Variants in TET1 observed in about 807,000 individuals in gnomAD.
The protein encoded by TET1 is tet methylcytosine dioxygenase 1.
TET1 carries 13 observed loss-of-function variants against 148.7 expected under a neutral mutation model. That is an observed-to-expected ratio of 0.09 (90% CI 0.06 to 0.14). The LOEUF is 0.14. Ranked by LOEUF, TET1 falls within the 10% of genes least tolerant of loss-of-function variation. The pLI, the probability that TET1 is intolerant of heterozygous loss-of-function variation, is 1.00. For synonymous variants in TET1, 907 were observed against 937.2 expected, an observed-to-expected ratio of 0.97 and a Z score of 0.59; for missense variants, 2,182 against 2,553.8, an observed-to-expected ratio of 0.85 and a Z score of 3.14.
intron 3 of TET1, among the ~76,000 whole-genome samples, chr10:68,631,878 A>C (rs1462668554): frequency 6.6e-6 from 1 of 151,974 alleles, no homozygotes; most frequent in Non-Finnish European, 1.5e-5. Flanking sequence ...AAGAACTAAA[A>C]GCCTAAACGT....
intron 3 of TET1, among the ~76,000 whole-genome samples, chr10:68,641,422 A>T (rs1272166767): frequency 6.6e-6 from 1 of 151,984 alleles, no homozygotes; most frequent in African/African-American, 2.4e-5. Context: ...GCCAGTTCAC[A>T]TCTCCTTAGG....
At chr10:68,658,278 C>G (rs2055055255) in intron 6 of TET1, among the ~76,000 whole-genome samples, 1 of 151,942 alleles carries the variant, frequency 6.6e-6, no homozygotes, top group Non-Finnish European at 1.5e-5. Flanking sequence ...GTGGCACAAT[C>G]TCGGCTCACT....
intron 2 of TET1, among the ~76,000 whole-genome samples, chr10:68,596,631 C>T (rs2053992396): frequency 6.6e-6 from 1 of 152,100 alleles, no homozygotes; most frequent in Non-Finnish European, 1.5e-5. Context: ...CAAAACTCGC[C>T]CAGAGCTCAG....
rs1487048373 is a variant in TET1 at position 68,686,512 on chromosome 10, C to G, written c.5209C>G (p.Leu1737Val). The G allele has an allele frequency of 1.2e-6, 2 of 1,614,172 alleles. No homozygotes were observed. The highest frequency in any genetic ancestry group is 2.2e-5 in the East Asian group (1 of 44,880). Residue 1737 changes from leucine to valine, a missense_variant, in exon 11 of 12, where the codon CTG (leucine) becomes GTG (valine). By Grantham distance (32) the Leu-to-Val change is conservative (BLOSUM62 1). Around this residue, in one of 11 missense-constraint regions of TET1, gnomAD observed 380 missense variants for 387.9 expected, o/e 0.98. Coordinates refer to ENST00000373644, the MANE Select transcript of TET1 (RefSeq NM_030625.3). Reference sequence around the variant, plus strand: ...GATCAAATCTGGGGCCATCGAGGTCCTGGCACCCCGCCGCAAAAAAAGAAC... The same window carrying G: ...GATCAAATCTGGGGCCATCGAGGTCGTGGCACCCCGCCGCAAAAAAAGAAC... ...AKIKSGAIEV[L>V]APRRKKRTCF...
At chr10:68,622,741 G>T (rs1019404849) in intron 3 of TET1, among the ~76,000 whole-genome samples, 1 of 150,474 alleles carries the variant, frequency 6.6e-6, no homozygotes, top group African/African-American at 2.5e-5. Context: ...CCCTGAAATT[G>T]GTTTTTAAGA....
At chr10:68,615,972 T>C (rs1355778347) in intron 3 of TET1, among the ~76,000 whole-genome samples, 1 of 152,210 alleles carries the variant, frequency 6.6e-6, no homozygotes, top group Non-Finnish European at 1.5e-5. Context: ...TTAAACTCCT[T>C]ACTAGAGTAT....
intron 1 of TET1, among the ~76,000 whole-genome samples, chr10:68,561,567 G>T (rs2053553493): frequency 6.6e-6 from 1 of 152,124 alleles, no homozygotes; most frequent in Non-Finnish European, 1.5e-5. Flanking sequence ...GGAGGTGCGC[G>T]GAGCTGGGTG....
In TET1 at chr10:68,645,536, C is replaced by G. The variant is rs2054830110; in HGVS notation, c.2807C>G (p.Thr936Ser). The change falls in exon 4 of 12, where the codon ACT becomes AGT. Residue 936 changes from threonine to serine, a missense_variant. Transcript: ENST00000373644. ...LLNSCKAILYTVRKDLQDPNL... is the reference protein window; with the variant it reads ...LLNSCKAILYSVRKDLQDPNL... ...AATAGCTGCAAAGCTATCCTCTACA[C>G]TGTAAGAAAAGACCTCCAAGACCCA... 1 of 1,614,160 alleles carries G rather than the reference C, an allele frequency of 6.2e-7. No homozygotes were observed. The highest frequency in any genetic ancestry group is 1.1e-5 in the South Asian group (1 of 91,082).
intron 3 of TET1, among the ~76,000 whole-genome samples, chr10:68,638,261 T>C (rs1331744735): frequency 2.0e-5 from 3 of 152,156 alleles, no homozygotes; most frequent in African/African-American, 7.2e-5. Context: ...CTGAGTTTTT[T>C]CCAAAAACAC....
At chr10:68,673,521 G>A in intron 8 of TET1, 1 of 331,984 alleles carries the variant, frequency 3.0e-6, no homozygotes, top group Non-Finnish European at 6.0e-6. Flanking sequence ...TTGGTGTTAA[G>A]TTAAATAAGT....
At chr10:68,683,285 T>C (rs551951747) in intron 10 of TET1, among the ~76,000 whole-genome samples, 3 of 152,164 alleles carry the variant, frequency 2.0e-5, no homozygotes, top group African/African-American at 7.2e-5. Flanking sequence ...TTTATTTATT[T>C]ATTTATTTTT....
At chr10:68,591,752 A>G (rs1198414227) in intron 2 of TET1, among the ~76,000 whole-genome samples, 1 of 151,842 alleles carries the variant, frequency 6.6e-6, no homozygotes, top group Non-Finnish European at 1.5e-5. Context: ...AAATACAAAA[A>G]ATTAGCTGGG....
intron 7 of TET1, among the ~76,000 whole-genome samples, chr10:68,667,808 A>C (rs545462695): frequency 2.0e-5 from 3 of 152,252 alleles, no homozygotes; most frequent in African/African-American, 7.2e-5. Flanking sequence ...AAGCAATGAA[A>C]GAATATTGCT....
chr10:68,675,777 A>G (rs1167536482), intron 8 of TET1, among the ~76,000 whole-genome samples: 1 of 152,038 alleles, frequency 6.6e-6, no homozygotes, highest in East Asian at 1.9e-4. Flanking sequence ...TCAAGGAAAA[A>G]TATTTGGCCC....
chr10:68,670,442 T>C (rs1242913028), intron 7 of TET1, among the ~76,000 whole-genome samples: 1 of 152,180 alleles, frequency 6.6e-6, no homozygotes, highest in Non-Finnish European at 1.5e-5. Flanking sequence ...TAGCCAAAGA[T>C]GGCTGAAACA....
chr10:68,626,516 G>C (rs1194324252), intron 3 of TET1, among the ~76,000 whole-genome samples: 1 of 150,992 alleles, frequency 6.6e-6, no homozygotes, highest in African/African-American at 2.4e-5. Context: ...ATTTATTATT[G>C]TCTTTTTCTT....
chr10:68,660,090 C>G (rs1205289455), intron 6 of TET1, among the ~76,000 whole-genome samples: 1 of 152,116 alleles, frequency 6.6e-6, no homozygotes, highest in Non-Finnish European at 1.5e-5. Flanking sequence ...ACCCGCTACA[C>G]TTGACATGAA....
intron 2 of TET1, among the ~76,000 whole-genome samples, chr10:68,599,104 A>T (rs1206478917): frequency 6.6e-6 from 1 of 152,244 alleles, no homozygotes; most frequent in Non-Finnish European, 1.5e-5. Context: ...CACGGAAAGC[A>T]TGCTTTTGTG....
intron 2 of TET1, among the ~76,000 whole-genome samples, chr10:68,596,027 C>CACACACACACATAT (rs71470531): frequency 4.9e-5 from 3 of 61,754 alleles, no homozygotes; most frequent in Non-Finnish European, 8.6e-5. Context: ...CACACACACA[C>CACACACACACATAT]ATATATATAT....
Sources: allele counts gnomAD v4.1 joint callset (sites outside exome capture counted in the v4.1 genomes callset), GRCh38; gene constraint gnomAD v4.1.1; regional missense constraint gnomAD v4.1.1; transcripts MANE v1.5; gene names NCBI Gene and HGNC (gene_info 2026-07-23, HGNC 2026-07-21).